The following PTPRT variants were observed in gnomAD, a reference collection of about 807,000 sequenced individuals.
The protein encoded by PTPRT is receptor-type tyrosine-protein phosphatase T.
In PTPRT, 56 loss-of-function variants were observed where a neutral mutation model predicts 176.8. The observed-to-expected ratio is 0.32, with a 90% CI of 0.26 to 0.40. PTPRT has a LOEUF of 0.40. Ranked by LOEUF, PTPRT falls within the 10% of genes least tolerant of loss-of-function variation. The pLI is 1.00. For missense variants in PTPRT, 1,540 were observed against 1,908.2 expected (o/e 0.81, Z 3.60); for synonymous variants, 783 against 739.0 (o/e 1.06, Z -0.96).
chr20:43,142,576 A>G (rs1429851609), intron 1 of PTPRT, among the ~76,000 whole-genome samples: 1 of 151,742 alleles, frequency 6.6e-6, no homozygotes, highest in African/African-American at 2.4e-5. Context: ...TACAGAAGGA[A>G]AAAACCATCC....
intron 6 of PTPRT, among the ~76,000 whole-genome samples, chr20:42,700,032 G>A (rs2075950839): frequency 6.6e-6 from 1 of 152,058 alleles, no homozygotes; most frequent in South Asian, 2.1e-4. Context: ...GTGAGACCCT[G>A]ACCCCTGATT....
intron 7 of PTPRT, among the ~76,000 whole-genome samples, chr20:42,537,738 T>C (rs565582254): frequency 6.6e-6 from 1 of 152,330 alleles, no homozygotes; most frequent in Non-Finnish European, 1.5e-5. Flanking sequence ...CCTGTTTTCA[T>C]GGCATCACGG....
intron 6 of PTPRT, among the ~76,000 whole-genome samples, chr20:42,722,608 T>A (rs907670069): frequency 6.6e-6 from 1 of 152,162 alleles, no homozygotes; most frequent in East Asian, 1.9e-4. Context: ...GGTCACTCTG[T>A]CTGCTCTCTG....
At chr20:42,754,040 A>G (rs73907262) in intron 6 of PTPRT, among the ~76,000 whole-genome samples, 4,596 of 152,104 alleles carry the variant, frequency 0.03, 218 homozygotes, top group African/African-American at 0.1. Flanking sequence ...CTCTCCTGGG[A>G]CTCTCAATCT....
intron 16 of PTPRT, among the ~76,000 whole-genome samples, chr20:42,171,363 T>C (rs111253279): frequency 2.4e-4 from 37 of 152,170 alleles, no homozygotes; most frequent in Non-Finnish European, 5.4e-4. Context: ...AGGTAATGCT[T>C]AAAGAGAAAT....
intron 9 of PTPRT, among the ~76,000 whole-genome samples, chr20:42,381,348 G>A (rs1235016711): frequency 6.6e-6 from 1 of 152,140 alleles, no homozygotes; most frequent in Non-Finnish European, 1.5e-5. Context: ...AGTGCTTTAA[G>A]AGCCAAAGCC....
At chr20:42,957,803 T>C (rs765619574) in intron 1 of PTPRT, among the ~76,000 whole-genome samples, 2 of 152,156 alleles carry the variant, frequency 1.3e-5, no homozygotes, top group Non-Finnish European at 1.5e-5. Flanking sequence ...TCTCTTCCAT[T>C]AGAGCCTAAA....
intron 7 of PTPRT, among the ~76,000 whole-genome samples, chr20:42,609,994 C>T (rs1444448535): frequency 5.9e-5 from 9 of 152,228 alleles, no homozygotes; most frequent in Non-Finnish European, 1.2e-4. Context: ...AGCATCCAAC[C>T]TCAACAGATG....
intron 1 of PTPRT, among the ~76,000 whole-genome samples, chr20:43,172,504 T>C (rs991733152): frequency 6.6e-6 from 1 of 152,226 alleles, no homozygotes; most frequent in Non-Finnish European, 1.5e-5. Context: ...CTGAAGGTCC[T>C]ATGTCCTAGG....
chr20:43,111,254 C>A (rs1022647865), intron 1 of PTPRT, among the ~76,000 whole-genome samples: 1 of 152,028 alleles, frequency 6.6e-6, no homozygotes, highest in Non-Finnish European at 1.5e-5. Flanking sequence ...AGAATGGTCA[C>A]ATAGGCTGGG....
chr20:42,903,047 A>C (rs1161343764), intron 1 of PTPRT, among the ~76,000 whole-genome samples: 1 of 152,220 alleles, frequency 6.6e-6, no homozygotes, highest in Non-Finnish European at 1.5e-5. Context: ...TAAAGCAGGT[A>C]AGGGGCCCAT....
intron 2 of PTPRT, among the ~76,000 whole-genome samples, chr20:42,811,670 A>G (rs2077699778): frequency 6.6e-6 from 1 of 151,954 alleles, no homozygotes; most frequent in African/African-American, 2.4e-5. Flanking sequence ...CCCTCTCTCA[A>G]TTTCTCAGTT....
intron 1 of PTPRT, among the ~76,000 whole-genome samples, chr20:42,891,626 C>T (rs1173473909): frequency 1.3e-5 from 2 of 152,048 alleles, no homozygotes; most frequent in Non-Finnish European, 2.9e-5. Flanking sequence ...AACATGAGCT[C>T]TTCTTTTGAA....
rs994490014 is a variant in PTPRT at position 42,993,542 on chromosome 20, G to A, written c.89-107610C>T. On this transcript the variant is annotated intron_variant, in intron 1 of 30. Transcript: ENST00000373187. ...TATATATATACACATATATGTGTGT[G>A]TATATATATACACATATATGTGTGT... is the stretch of plus-strand genomic sequence containing the variant. Among the ~76,000 whole-genome samples, 4 of 110,156 alleles carry A rather than the reference G, an allele frequency of 3.6e-5. No homozygotes were observed. In the South Asian group the frequency reaches 7.2e-4, roughly 20 times the overall value. The allele number at this position is 110,156 out of a possible 152,430, so 72.3% of individuals were successfully genotyped here.
chr20:42,238,560 C>T (rs1414794460), intron 14 of PTPRT, among the ~76,000 whole-genome samples: 1 of 152,180 alleles, frequency 6.6e-6, no homozygotes, highest in South Asian at 2.1e-4. Context: ...AGGTGATTCC[C>T]CTGGGACACA....
chr20:43,144,398 C>G (rs1016405658), intron 1 of PTPRT, among the ~76,000 whole-genome samples: 2 of 152,206 alleles, frequency 1.3e-5, no homozygotes, highest in Non-Finnish European at 2.9e-5. Context: ...TTCATTCTTC[C>G]TCCTAACAGG....
chr20:42,067,762 G>C (rs1982130140), downstream of PTPRT, among the ~76,000 whole-genome samples: 1 of 152,126 alleles, frequency 6.6e-6, no homozygotes, highest in Admixed American at 6.5e-5. Context: ...AGCCTGGTTG[G>C]ACATCTGGCG....
At chr20:42,839,338 A>G (rs1007034879) in intron 2 of PTPRT, among the ~76,000 whole-genome samples, 6 of 149,820 alleles carry the variant, frequency 4.0e-5, no homozygotes, top group African/African-American at 1.5e-4. Context: ...CGCCCTTCAC[A>G]TGATCTAGCT....
chr20:42,786,784 G>T (rs1291962519), intron 3 of PTPRT, among the ~76,000 whole-genome samples: 1 of 152,208 alleles, frequency 6.6e-6, no homozygotes, highest in Non-Finnish European at 1.5e-5. Context: ...GTGCCCATGA[G>T]CTTTTAGAGA....
Sources: gnomAD v4.1 joint callset for allele counts (sites outside exome capture counted in the v4.1 genomes callset) on GRCh38, gnomAD v4.1.1 for gene constraint, MANE v1.5 for transcripts, NCBI Gene and HGNC (gene_info 2026-07-23, HGNC 2026-07-21) for gene names.